Variants in LYG1 observed in about 807,000 individuals in gnomAD.
LYG1 encodes lysozyme g1.
LYG1 carries 17 observed loss-of-function variants against 21.7 expected under a neutral mutation model. The ratio of observed to expected loss-of-function variants is 0.78; its 90% confidence interval spans 0.54 to 1.18. The LOEUF (loss-of-function observed/expected upper bound fraction) is 1.18. Among genes scored for constraint, LYG1 ranks in the 50% most tolerant of loss-of-function variants. LYG1 has a pLI of 0.00. For synonymous variants in LYG1, 81 were observed against 87.4 expected (o/e 0.93, Z 0.41); for missense variants, 211 against 238.1 (o/e 0.89, Z 0.75).
intron 5 of LYG1, among the ~76,000 whole-genome samples, chr2:99,290,334 C>T (rs1442315595): frequency 1.3e-5 from 2 of 152,320 alleles, no homozygotes; most frequent in East Asian, 3.9e-4. Context: ...GTAGCAGCAA[C>T]TCCTTCCTTG....
At chr2:99,301,947 A>G (rs2094155798), upstream of LYG1, among the ~76,000 whole-genome samples, 2 of 152,182 alleles carry the variant, frequency 1.3e-5, no homozygotes, top group Non-Finnish European at 2.9e-5. Flanking sequence ...TCCAGGAAGG[A>G]TTCTTTCCCA....
upstream of LYG1, among the ~76,000 whole-genome samples, chr2:99,303,494 C>G (rs1355752923): frequency 1.3e-5 from 2 of 152,148 alleles, no homozygotes; most frequent in African/African-American, 4.8e-5. Flanking sequence ...TCCACCTCCT[C>G]ACCTGCTGCA....
upstream of LYG1, among the ~76,000 whole-genome samples, chr2:99,303,406 A>T (rs2094159715): frequency 6.6e-6 from 1 of 152,120 alleles, no homozygotes; most frequent in Non-Finnish European, 1.5e-5. Context: ...TCTCCTGGGC[A>T]GCAGCCAGCA....
At chr2:99,299,903 C>T (rs1199046089) in intron 1 of LYG1, among the ~76,000 whole-genome samples, 5 of 151,602 alleles carry the variant, frequency 3.3e-5, no homozygotes, top group African/African-American at 7.3e-5. Context: ...CTTCTCCCTC[C>T]CTACATATAT....
intron 5 of LYG1, among the ~76,000 whole-genome samples, chr2:99,288,188 C>T (rs911404720): frequency 1.3e-5 from 2 of 151,998 alleles, no homozygotes; most frequent in Non-Finnish European, 2.9e-5. Flanking sequence ...GCTGTATGTC[C>T]TGGATAAATT....
intron 5 of LYG1, among the ~76,000 whole-genome samples, chr2:99,285,077 C>T (rs2094094671): frequency 6.6e-6 from 1 of 152,168 alleles, no homozygotes; most frequent in South Asian, 2.1e-4. Context: ...GAATATCCTA[C>T]AGTGCCAGAC....
chr2:99,303,563 C>T (rs534164292), upstream of LYG1, among the ~76,000 whole-genome samples: 1 of 152,238 alleles, frequency 6.6e-6, no homozygotes, highest in African/African-American at 2.4e-5. Flanking sequence ...ATCCAGCCTC[C>T]GGGACACTCC....
chr2:99,293,038 C>G (rs551966863), intron 3 of LYG1, among the ~76,000 whole-genome samples: 1 of 118,438 alleles, frequency 8.4e-6, no homozygotes, highest in South Asian at 2.7e-4. Context: ...GTCGCCTAGT[C>G]TGGAGTGCAG....
chr2:99,285,413 A>G (rs1246144874), intron 5 of LYG1, among the ~76,000 whole-genome samples: 9 of 151,872 alleles, frequency 5.9e-5, no homozygotes, highest in African/African-American at 1.7e-4. Context: ...CAGTAAGGAG[A>G]CAAAGAACAG....
In LYG1 at chr2:99,284,270, A is replaced by G. The variant is rs914485875; in HGVS notation, c.*123T>C. 2 of 787,420 alleles carry G rather than the reference A, an allele frequency of 2.5e-6. No individual in the cohort carries two copies. Among genetic ancestry groups the G allele is most frequent in the East Asian group, 2.5e-5 (1 of 40,486 alleles). 48.8% of individuals were successfully genotyped at this position (787,420 alleles called of 1,614,324 possible). A position where few individuals can be genotyped will look rare whatever the true frequency, so the allele number is the denominator to read the frequency against. On this transcript the variant is annotated 3_prime_UTR_variant, in exon 7 of 7. Coordinates refer to ENST00000308528, the MANE Select transcript of LYG1 (RefSeq NM_174898.3). ...CAAAATTCTTCCTTTAATGTGATTC[A>G]TGTTATTTTAATGACTTTTAGGTCA... is the stretch of plus-strand genomic sequence containing the variant.
chr2:99,286,563 G>T (rs935502390), intron 5 of LYG1, among the ~76,000 whole-genome samples: 1 of 152,124 alleles, frequency 6.6e-6, no homozygotes, highest in African/African-American at 2.4e-5. Context: ...AATTAGCCAG[G>T]TGTGGTGGTG....
intron 5 of LYG1, among the ~76,000 whole-genome samples, chr2:99,286,886 G>T (rs1172395442): frequency 6.6e-6 from 1 of 152,124 alleles, no homozygotes; most frequent in Non-Finnish European, 1.5e-5. Context: ...ACAGATGAAT[G>T]AATAAAGAAA....
upstream of LYG1, among the ~76,000 whole-genome samples, chr2:99,302,610 A>C (rs943248420): frequency 2.0e-5 from 3 of 152,204 alleles, no homozygotes; most frequent in Non-Finnish European, 2.9e-5. Context: ...TATGGCACAT[A>C]AGGGGTATTC....
chr2:99,291,487 G>T, intron 4 of LYG1, 66 bp from the exon 5 acceptor site: 1 of 1,507,994 alleles, frequency 6.6e-7, no homozygotes, highest in African/African-American at 1.4e-5. Flanking sequence ...AGCTCAAGGG[G>T]AGAGAGAAAG....
Position 99,284,502 on chromosome 2 carries a change from C to T in LYG1, c.476G>A (p.Cys159Tyr). 2 of 1,614,106 alleles carry T rather than the reference C, an allele frequency of 1.2e-6. No individual in the cohort carries two copies. Among genetic ancestry groups the T allele is most frequent in the South Asian group, 1.1e-5 (1 of 91,070 alleles). Residue 159 changes from cysteine (C) to tyrosine (Y), a missense_variant, in exon 7 of 7, where the codon TGT (cysteine) becomes TAT (tyrosine). Coordinates refer to ENST00000308528, the MANE Select transcript of LYG1 (RefSeq NM_174898.3). ...ATAGCCAGCACCCCCACTGTAGGCA[C>T]AGAGTCCACCTGAAATGCATGAGAT... ...TPDQYLRGGL[C>Y]AYSGGAGYVR...
chr2:99,284,706 G>T lies in LYG1; in HGVS notation c.448C>A (p.Pro150Thr). The T allele has an allele frequency of 2.5e-6, 4 of 1,614,166 alleles. No homozygotes were observed. Among genetic ancestry groups the T allele is most frequent in the Non-Finnish European group, 3.4e-6 (4 of 1,180,010 alleles). ...EIQRRFPTWTPDQYLRGGLCA... is the reference protein window; with the variant it reads ...EIQRRFPTWTTDQYLRGGLCA... ...CACGTACCTCTCAGGTACTGGTCAG[G>T]GGTCCAGGTTGGAAACCTCCTCTGG... The change falls in exon 6 of 7, where the codon CCT becomes ACT. Residue 150 changes from proline to threonine, a missense_variant. Physicochemically the swap from Pro to Thr is conservative, Grantham distance 38. Coordinates refer to ENST00000308528, the MANE Select transcript of LYG1 (RefSeq NM_174898.3).
At chr2:99,303,809 A>G (rs182079299), upstream of LYG1, among the ~76,000 whole-genome samples, 10 of 152,112 alleles carry the variant, frequency 6.6e-5, no homozygotes, top group East Asian at 1.9e-3. Flanking sequence ...CAATTGAATC[A>G]TGGAGGCAGT....
rs1201104694 is a variant in LYG1 at position 99,284,442 on chromosome 2, C to A, written c.536G>T (p.Cys179Phe). Reference sequence around the variant, plus strand: ...CTTGGCTCGTGCAAGGACATCATTGCAGAAGTCACAGCTCAGGTCCTGGCT... The same window carrying A: ...CTTGGCTCGTGCAAGGACATCATTGAAGAAGTCACAGCTCAGGTCCTGGCT... ...RSSQDLSCDF[C>F]NDVLARAKYL... The change falls in exon 7 of 7, where the codon TGC becomes TTC. Residue 179 changes from cysteine (C) to phenylalanine (F), a missense_variant. Coordinates refer to ENST00000308528, the MANE Select transcript of LYG1 (RefSeq NM_174898.3). The A allele has an allele frequency of 6.2e-7, 1 of 1,614,206 alleles. No individual in the cohort carries two copies. Among genetic ancestry groups the A allele is most frequent in the African/African-American group, 1.3e-5 (1 of 75,030 alleles).
Position 99,284,428 on chromosome 2 carries a change from C to CAG in LYG1, c.549_550insCT (p.Ala184LeufsTer40). 1 of 1,614,208 alleles carries CAG rather than the reference C, an allele frequency of 6.2e-7. No homozygotes were observed. Among genetic ancestry groups the CAG allele is most frequent in the Non-Finnish European group, 8.5e-7 (1 of 1,180,026 alleles). On this transcript the variant is annotated frameshift_variant, in exon 7 of 7. Coordinates refer to ENST00000308528, the MANE Select transcript of LYG1 (RefSeq NM_174898.3). LOFTEE classifies it high-confidence loss of function. ...TGTCTCTTGAGGTACTTGGCTCGTG[C>CAG]AAGGACATCATTGCAGAAGTCACAG...
Sources: allele counts gnomAD v4.1 joint callset (sites outside exome capture counted in the v4.1 genomes callset), GRCh38; gene constraint gnomAD v4.1.1; transcripts MANE v1.5; gene names NCBI Gene and HGNC (gene_info 2026-07-23, HGNC 2026-07-21).